POGLUT3: variants seen among roughly 807,000 people sequenced by gnomAD.
POGLUT3 encodes the protein protein O-glucosyltransferase 3, also known as KDEL (Lys-Asp-Glu-Leu) containing 2.
POGLUT3 carries 48 observed loss-of-function variants against 54.3 expected under a neutral mutation model. That is an observed-to-expected ratio of 0.88 (90% confidence interval 0.70 to 1.12). The LOEUF is 1.12. POGLUT3 is among the 50% of genes most tolerant of loss of function. POGLUT3 has a pLI of 0.00. For synonymous variants in POGLUT3, 218 were observed against 237.4 expected (o/e 0.92, Z 0.75); for missense variants, 629 against 618.7 (o/e 1.02, Z -0.18).
At chr11:108,475,774 T>C (rs2093580615) in intron 7 of POGLUT3, among the ~76,000 whole-genome samples, 1 of 151,930 alleles carries the variant, frequency 6.6e-6, no homozygotes, top group South Asian at 2.1e-4. Flanking sequence ...CAGACATAAA[T>C]TGGATATTTC....
chr11:108,477,677 T>C lies in POGLUT3; in HGVS notation c.1328A>G (p.Glu443Gly). 2 of 1,612,966 alleles carry C rather than the reference T, an allele frequency of 1.2e-6. No homozygotes were observed. Among genetic ancestry groups the C allele is most frequent in the Non-Finnish European group, 1.7e-6 (2 of 1,179,120 alleles). Residue 443 changes from glutamate to glycine, a missense_variant, in exon 7 of 8, where the codon GAA becomes GGA. By Grantham distance (98) the Glu-to-Gly change is moderately conservative. Coordinates refer to ENST00000323468, the MANE Select transcript of POGLUT3 (RefSeq NM_153705.5). ...TAGGTCCCTAGCCATCAACTGTCCT[T>C]CTTTTGCAATCTTCTTGGCTTCTTC... Reference protein sequence around the residue: ...NDEEAKKIAKEGQLMARDLLQ... With the variant: ...NDEEAKKIAKGGQLMARDLLQ...
chr11:108,480,128 G>A (rs907411970), intron 5 of POGLUT3, among the ~76,000 whole-genome samples: 12 of 152,188 alleles, frequency 7.9e-5, no homozygotes, highest in East Asian at 1.9e-4. Context: ...GAACCACTAC[G>A]CCCAGCCAGG....
At chr11:108,483,642 T>G (rs986063927) in intron 3 of POGLUT3, among the ~76,000 whole-genome samples, 2 of 152,108 alleles carry the variant, frequency 1.3e-5, no homozygotes, top group Non-Finnish European at 2.9e-5. Flanking sequence ...GATGTGAATA[T>G]TCACCCTCTT....
intron 2 of POGLUT3, among the ~76,000 whole-genome samples, chr11:108,489,661 C>T (rs1253174525): frequency 6.6e-6 from 1 of 152,160 alleles, no homozygotes; most frequent in Non-Finnish European, 1.5e-5. Flanking sequence ...GTGGCTCATG[C>T]CTGTAATCCC....
chr11:108,479,360 G>A lies in POGLUT3; in HGVS notation c.1234C>T (p.His412Tyr). Reference sequence around the variant, plus strand: ...AGATTTCTTTTAATTGGAACATAATGCTTCCAAGGTTCTAGTGCCATGTAG... The same window carrying A: ...AGATTTCTTTTAATTGGAACATAATACTTCCAAGGTTCTAGTGCCATGTAG... ...HFYMALEPWK[H>Y]YVPIKRNLSD... The change falls in exon 6 of 8, where the codon CAT (histidine) becomes TAT (tyrosine). Residue 412 changes from histidine (H) to tyrosine (Y), a missense_variant. His to Tyr is a moderately conservative substitution (Grantham distance 83). Coordinates refer to ENST00000323468, the MANE Select transcript of POGLUT3 (RefSeq NM_153705.5). The A allele has an allele frequency of 1.2e-6, 2 of 1,612,500 alleles. No individual in the cohort carries two copies. Among genetic ancestry groups the A allele is most frequent in the Non-Finnish European group, 1.7e-6 (2 of 1,179,570 alleles).
chr11:108,489,737 C>T (rs1212097772), intron 2 of POGLUT3, among the ~76,000 whole-genome samples: 1 of 152,030 alleles, frequency 6.6e-6, no homozygotes, highest in Admixed American at 6.6e-5. Flanking sequence ...GCCTAGGTAA[C>T]ATAAAAAGAC....
intron 2 of POGLUT3, among the ~76,000 whole-genome samples, chr11:108,488,868 G>A (rs575086547): frequency 2.0e-4 from 31 of 152,260 alleles, no homozygotes; most frequent in South Asian, 4.1e-4. Flanking sequence ...GTACTTATCG[G>A]TGGGTACCAG....
rs1343787611 is a variant in POGLUT3, at chr11:108,483,439, A to T, written c.685-1217T>A. On this transcript the variant is annotated intron_variant, in intron 3 of 7. Coordinates refer to ENST00000323468, the MANE Select transcript of POGLUT3 (RefSeq NM_153705.5). Reference sequence around the variant, plus strand: ...CTCCTCAGGCACTTAAACCCTAGGTACTTAATTCTCTTGAGGCCTATCATC... The same window carrying T: ...CTCCTCAGGCACTTAAACCCTAGGTTCTTAATTCTCTTGAGGCCTATCATC... Among the ~76,000 whole-genome samples, 7 of 152,274 alleles carry T rather than the reference A, an allele frequency of 4.6e-5. No individual in the cohort carries two copies. In the East Asian group the frequency reaches 1.2e-3, roughly 25 times the overall value.
intron 1 of POGLUT3, 127 bp from the exon 2 acceptor site, chr11:108,491,294 C>G (rs1011887712): frequency 1.5e-5 from 11 of 724,290 alleles, no homozygotes; most frequent in Non-Finnish European, 2.5e-5. Context: ...AAAAAAAAAT[C>G]ATTTCCTTTG....
chr11:108,479,347 A>T lies in POGLUT3; in HGVS notation c.1247T>A (p.Ile416Asn). ...ALEPWKHYVPIKRNLSDLLEK... is the reference protein window; with the variant it reads ...ALEPWKHYVPNKRNLSDLLEK... The stretch of plus-strand genomic sequence containing the variant: ...TAATAAATCACTCAGATTTCTTTTA[A>T]TTGGAACATAATGCTTCCAAGGTTC... The change falls in exon 6 of 8, where the codon ATT (isoleucine) becomes AAT (asparagine). Residue 416 changes from isoleucine (I) to asparagine (N), a missense_variant. By Grantham distance (149) the Ile-to-Asn change is moderately radical (BLOSUM62 -3). Coordinates refer to ENST00000323468, the MANE Select transcript of POGLUT3 (RefSeq NM_153705.5). 2 of 1,611,972 alleles carry T rather than the reference A, an allele frequency of 1.2e-6. No individual in the cohort carries two copies. The highest frequency in any genetic ancestry group is 1.7e-6 in the Non-Finnish European group (2 of 1,179,658).
At chr11:108,492,037 T>C (rs768258943) in intron 1 of POGLUT3, among the ~76,000 whole-genome samples, 10 of 151,978 alleles carry the variant, frequency 6.6e-5, no homozygotes, top group South Asian at 2.1e-4. Flanking sequence ...TTTCCTTACG[T>C]AGAGAGAGAT....
rs1384451108 is a variant in POGLUT3 at position 108,473,413 on chromosome 11, T to A, written c.*1414A>T. The A allele has an allele frequency of 1.3e-5, 2 of 152,206 alleles. No individual in the cohort carries two copies. The highest frequency in any genetic ancestry group is 2.4e-5 in the African/African-American group (1 of 41,460). The allele number at this position is 152,206 out of a possible 1,614,324, so 9.4% of individuals were successfully genotyped here. On this transcript the variant is annotated 3_prime_UTR_variant, in exon 8 of 8. Transcript: ENST00000323468. ...TAGCTCTTGTTTTAGAACATGCACTTTAGTGAACTGAACCTTGGACTGATG... is the reference window on the plus strand; with the variant it reads ...TAGCTCTTGTTTTAGAACATGCACTATAGTGAACTGAACCTTGGACTGATG...
In POGLUT3 at chr11:108,482,155, T is replaced by C. The variant is rs988123731; in HGVS notation, c.752A>G (p.Asn251Ser). ...GATAGGTATGGGGCTAGGGGTTCCA[T>C]TGACTTTTCGATGCTCCAAGGGCCA... ...GDWPLEHRKV[N>S]GTPSPIPIIS... The change falls in exon 4 of 8, where the codon AAT becomes AGT. Residue 251 changes from asparagine to serine, a missense_variant. By Grantham distance (46) the Asn-to-Ser change is conservative (BLOSUM62 1). Coordinates refer to ENST00000323468, the MANE Select transcript of POGLUT3 (RefSeq NM_153705.5). The C allele has an allele frequency of 2.5e-6, 4 of 1,614,116 alleles. 1 individual carries two copies. In the South Asian group the frequency reaches 4.4e-5, roughly 18 times the overall value.
intron 1 of POGLUT3, 35 bp from the exon 2 acceptor site, chr11:108,491,202 G>A (rs2093612691): frequency 6.7e-7 from 1 of 1,503,100 alleles, no homozygotes; most frequent in Non-Finnish European, 9.2e-7. Flanking sequence ...ACTCTACCAT[G>A]TCATGATAAT....
chr11:108,485,201 C>T (rs941367291), intron 3 of POGLUT3, among the ~76,000 whole-genome samples: 16 of 152,130 alleles, frequency 1.1e-4, no homozygotes, highest in African/African-American at 2.4e-4. Context: ...GTCCCATGCA[C>T]GCTATCTTCT....
At position 108,473,273 on chromosome 11, in the gene POGLUT3, T is replaced by C. The variant is rs1176634637; in HGVS notation, c.*1554A>G. On this transcript the variant is annotated 3_prime_UTR_variant, in exon 8 of 8. Coordinates refer to ENST00000323468, the MANE Select transcript of POGLUT3 (RefSeq NM_153705.5). ...GGTTTCACCATGTTGGCCAGGCTGG[T>C]CTCAAACTCCTGACCTCAAAAGATC... The C allele has an allele frequency of 1.3e-5, 2 of 152,232 alleles. No individual in the cohort carries two copies. The highest frequency in any genetic ancestry group is 2.9e-5 in the Non-Finnish European group (2 of 68,086). 9.4% of individuals were successfully genotyped at this position (152,232 alleles called of 1,614,324 possible). A position where few individuals can be genotyped will look rare whatever the true frequency, so the allele number is the denominator to read the frequency against.
At chr11:108,476,836 C>T (rs1490899376) in intron 7 of POGLUT3, among the ~76,000 whole-genome samples, 1 of 152,132 alleles carries the variant, frequency 6.6e-6, no homozygotes, top group African/African-American at 2.4e-5. Context: ...TATTTGCATT[C>T]TGCCTTGTAC....
rs2093613289 is a variant in POGLUT3 at position 108,491,483 on chromosome 11, C to T, written c.203-316G>A. The T allele has an allele frequency of 2.1e-5, 10 of 478,582 alleles. No homozygotes were observed. In the South Asian group the frequency reaches 2.9e-4, roughly 14 times the overall value. The allele number at this position is 478,582 out of a possible 1,614,324, so 29.6% of individuals were successfully genotyped here. On this transcript the variant is annotated intron_variant, in intron 1 of 7. Transcript: ENST00000323468. ...ACCTCCTGCCTCAACCTGCATCAGC[C>T]CCATGAGTAGCTGGGACTATAGGAG...
At chr11:108,496,334 GA>G (rs2093622219) in intron 1 of POGLUT3, among the ~76,000 whole-genome samples, 2 of 151,642 alleles carry the variant, frequency 1.3e-5, no homozygotes, top group African/African-American at 4.8e-5. Context: ...AAAAAAGGAG[GA>G]GGGGGGTTGG....
Sources: gnomAD v4.1 joint callset for allele counts (sites outside exome capture counted in the v4.1 genomes callset) on GRCh38, gnomAD v4.1.1 for gene constraint, MANE v1.5 for transcripts, NCBI Gene and HGNC (gene_info 2026-07-23, HGNC 2026-07-21) for gene names.